TRAPPC13: variants seen among roughly 807,000 people sequenced by gnomAD.
TRAPPC13 encodes trafficking protein particle complex subunit 13.
A neutral mutation model predicts 54.0 loss-of-function variants in TRAPPC13; 39 were observed. The observed-to-expected ratio is 0.72, with a 90% confidence interval of 0.56 to 0.94. TRAPPC13 has a LOEUF of 0.94. Among genes scored for constraint, TRAPPC13 ranks in the 40% least tolerant of loss-of-function variants. The probability of loss-of-function intolerance (pLI) is 0.00; values close to 1 mark genes in which losing one functional copy is unlikely to be tolerated. For synonymous variants in TRAPPC13, 148 were observed against 167.7 expected (o/e 0.88, Z 0.91); for missense variants, 386 against 488.1 (o/e 0.79, Z 1.97).
At chr5:65,638,809 C>T (rs977753286) in intron 4 of TRAPPC13, among the ~76,000 whole-genome samples, 5 of 152,162 alleles carry the variant, frequency 3.3e-5, no homozygotes, top group African/African-American at 9.7e-5. Context: ...CTCAGCCAGG[C>T]GTAGTGGCTC....
At chr5:65,664,100 T>C in intron 11 of TRAPPC13, 137 bp from the exon 12 acceptor site, 7 of 908,488 alleles carry the variant, frequency 7.7e-6, no homozygotes, top group Non-Finnish European at 1.2e-5. Flanking sequence ...TAAAAAATGT[T>C]ATAATAGCTT....
chr5:65,625,116 T>G lies in TRAPPC13; in HGVS notation c.46+10T>G. On this transcript the variant is annotated intron_variant, in intron 1 of 12. Coordinates refer to ENST00000399438, the MANE Select transcript of TRAPPC13 (RefSeq NM_024941.4). Reference sequence around the variant, plus strand: ...CTGCTGGCGCTAAAAGGTAAACTTTTGCGAACCTGATTCCCCCTTTTCTGT... The same window carrying G: ...CTGCTGGCGCTAAAAGGTAAACTTTGGCGAACCTGATTCCCCCTTTTCTGT... 2.5e-6 allele frequency: 4 copies of G among 1,611,796 alleles called. No individual in the cohort carries two copies. Among genetic ancestry groups the G allele is most frequent in the Admixed American group, 1.7e-5 (1 of 60,018 alleles).
chr5:65,656,507 CAT>C (rs1027730431), intron 8 of TRAPPC13, among the ~76,000 whole-genome samples: 7 of 152,046 alleles, frequency 4.6e-5, no homozygotes, highest in Admixed American at 2.0e-4. Context: ...CATTTGAACA[CAT>C]GTCCCAAAAA....
Position 65,625,075 on chromosome 5 carries a change from C to G in TRAPPC13, c.15C>G (p.Pro5=). The G allele has an allele frequency of 6.2e-7, 1 of 1,613,794 alleles. No individual in the cohort carries two copies. Among genetic ancestry groups the G allele is most frequent in the Non-Finnish European group, 8.5e-7 (1 of 1,179,762 alleles). The change falls in exon 1 of 13, where the codon CCC becomes CCG. Residue 5 remains proline (P), a synonymous_variant. Transcript: ENST00000399438. MEVN[P]PKQEHLLALK... is the part of the protein sequence containing the mutation. ...TGCCGGTCAAAATGGAAGTGAATCC[C>G]CCTAAACAGGAGCACCTGCTGGCGC... is the stretch of plus-strand genomic sequence containing the variant.
In TRAPPC13 at chr5:65,625,043, T is replaced by G. The variant is rs748652291; in HGVS notation, c.-18T>G. The stretch of plus-strand genomic sequence containing the variant: ...CTGTCCAGCCCCCGTAGGCTGTGGG[T>G]CAAAAGTGCCGGTCAAAATGGAAGT... On this transcript the variant is annotated 5_prime_UTR_variant, in exon 1 of 13. Coordinates refer to ENST00000399438, the MANE Select transcript of TRAPPC13 (RefSeq NM_024941.4). 2 of 1,612,440 alleles carry G rather than the reference T, an allele frequency of 1.2e-6. No individual in the cohort carries two copies. Among genetic ancestry groups the G allele is most frequent in the Admixed American group, 1.7e-5 (1 of 59,988 alleles).
intron 5 of TRAPPC13, among the ~76,000 whole-genome samples, chr5:65,648,878 C>T (rs1237686830): frequency 1.3e-5 from 2 of 151,832 alleles, no homozygotes; most frequent in South Asian, 2.1e-4. Flanking sequence ...TTTTTAAATA[C>T]AGTGTGAACA....
At chr5:65,629,726 T>G in intron 1 of TRAPPC13, 1 of 1,535,998 alleles carries the variant, frequency 6.5e-7, no homozygotes, top group Non-Finnish European at 8.7e-7. Flanking sequence ...ATATGATGGG[T>G]CCAAGCTTCC....
At chr5:65,643,277 A>G (rs992012340) in intron 4 of TRAPPC13, among the ~76,000 whole-genome samples, 5 of 151,952 alleles carry the variant, frequency 3.3e-5, no homozygotes, top group African/African-American at 1.2e-4. Context: ...TTATGACCCA[A>G]TATTGATTTT....
chr5:65,659,839 C>T (rs977824225), intron 9 of TRAPPC13, among the ~76,000 whole-genome samples: 3 of 151,824 alleles, frequency 2.0e-5, no homozygotes, highest in Non-Finnish European at 4.4e-5. Flanking sequence ...GTGGTACACT[C>T]CTGCATTCCT....
At chr5:65,650,717 G>A (rs1756396978) in intron 5 of TRAPPC13, 93 bp from the exon 6 acceptor site, 1 of 1,005,406 alleles carries the variant, frequency 9.9e-7, no homozygotes, top group African/African-American at 1.6e-5. Flanking sequence ...AGATATAAGT[G>A]TTTTCCAAAT....
intron 1 of TRAPPC13, among the ~76,000 whole-genome samples, chr5:65,627,131 C>CAAAAAAAAAAAAAAAAAAAA (rs60169195): frequency 7.4e-4 from 24 of 32,576 alleles, no homozygotes; most frequent in Non-Finnish European, 1.2e-3. Context: ...GACCCTGTCT[C>CAAAAAAAAAAAAAAAAAAAA]AAAAAAAAAA....
rs1756995282 is a variant in TRAPPC13, at chr5:65,665,170, CGACAG to C, written c.*560_*564del. ...TCATGCTACTGCACTCTAGCCTGAG[CGACAG>C]AGTGAGACTCTGTCTCAAAAAAAAA... On this transcript the variant is annotated 3_prime_UTR_variant, in exon 13 of 13. Coordinates refer to ENST00000399438, the MANE Select transcript of TRAPPC13 (RefSeq NM_024941.4). 1.3e-5 allele frequency: 2 copies of C among 152,600 alleles called. No individual in the cohort carries two copies. The highest frequency in any genetic ancestry group is 4.8e-5 in the African/African-American group (2 of 41,398). The allele number at this position is 152,600 out of a possible 1,614,324, so 9.5% of individuals were successfully genotyped here. A position where few individuals can be genotyped will look rare whatever the true frequency, so the allele number is the denominator to read the frequency against.
At chr5:65,645,036 A>T (rs1199658090) in intron 4 of TRAPPC13, among the ~76,000 whole-genome samples, 1 of 151,802 alleles carries the variant, frequency 6.6e-6, no homozygotes, top group African/African-American at 2.4e-5. Flanking sequence ...ATCTCTACTA[A>T]AAATACAAAA....
At chr5:65,630,141 G>A in intron 1 of TRAPPC13, 2 of 1,535,960 alleles carry the variant, frequency 1.3e-6, no homozygotes, top group Non-Finnish European at 1.7e-6. Context: ...GAAGACATTT[G>A]GACAAAACTC....
chr5:65,662,309 A>G (rs1404463258), intron 11 of TRAPPC13, 159 bp downstream of exon 11: 1 of 511,882 alleles, frequency 2.0e-6, no homozygotes, highest in African/African-American at 2.0e-5. Flanking sequence ...ATCTGGTAGC[A>G]GTATAATTAC....
chr5:65,650,901 G>A lies in TRAPPC13; in HGVS notation c.501+19G>A, dbSNP rs752635073. On this transcript the variant is annotated intron_variant, in intron 6 of 12. Coordinates refer to ENST00000399438, the MANE Select transcript of TRAPPC13 (RefSeq NM_024941.4). Reference sequence around the variant, plus strand: ...ATTTCAGGTATTGAATATGACAATGGTAAATAGTTTTTATATGCCTTTTTC... The same window carrying A: ...ATTTCAGGTATTGAATATGACAATGATAAATAGTTTTTATATGCCTTTTTC... The A allele has an allele frequency of 3.9e-5, 62 of 1,572,698 alleles. No homozygotes were observed. The highest frequency in any genetic ancestry group is 5.2e-5 in the Non-Finnish European group (60 of 1,143,446).
intron 7 of TRAPPC13, among the ~76,000 whole-genome samples, chr5:65,653,301 T>C (rs534067340): frequency 2.6e-5 from 4 of 152,226 alleles, no homozygotes; most frequent in South Asian, 4.1e-4. Flanking sequence ...TTCAAAGATA[T>C]CCAAATACAG....
At chr5:65,652,084 G>A (rs1214696470) in intron 6 of TRAPPC13, among the ~76,000 whole-genome samples, 1 of 151,624 alleles carries the variant, frequency 6.6e-6, no homozygotes, top group Non-Finnish European at 1.5e-5. Flanking sequence ...GGCTTGTCTC[G>A]ACTCCTGACC....
chr5:65,664,624 A>G lies in TRAPPC13; in HGVS notation c.*13A>G, dbSNP rs2150696807. 1 of 1,593,536 alleles carries G rather than the reference A, an allele frequency of 6.3e-7. No individual in the cohort carries two copies. Among genetic ancestry groups the G allele is most frequent in the Non-Finnish European group, 8.6e-7 (1 of 1,163,882 alleles). Reference sequence around the variant, plus strand: ...AGTGGAAAGCTGAAGGAAACTTCCAATGTTAGGCTTTTCATTTAGTTTCAC... The same window carrying G: ...AGTGGAAAGCTGAAGGAAACTTCCAGTGTTAGGCTTTTCATTTAGTTTCAC... On this transcript the variant is annotated 3_prime_UTR_variant, in exon 13 of 13. Coordinates refer to ENST00000399438, the MANE Select transcript of TRAPPC13 (RefSeq NM_024941.4).
Sources: allele counts gnomAD v4.1 joint callset (sites outside exome capture counted in the v4.1 genomes callset), GRCh38; gene constraint gnomAD v4.1.1; transcripts MANE v1.5; gene names NCBI Gene and HGNC (gene_info 2026-07-23, HGNC 2026-07-21).